The following CTNND2 variants were observed in gnomAD, a reference collection of about 807,000 sequenced individuals.
The protein encoded by CTNND2 is catenin delta-2.
Under a neutral mutation model 144.4 loss-of-function variants are expected in CTNND2, and 22 were observed. The observed-to-expected ratio is 0.15, with a 90% CI of 0.11 to 0.22. CTNND2 has a LOEUF of 0.22. CTNND2 is among the 10% of genes least tolerant of loss of function. The pLI is 1.00. For missense variants in CTNND2, 1,353 were observed against 1,618.8 expected (o/e 0.84, Z 2.82); for synonymous variants, 751 against 695.6 (o/e 1.08, Z -1.25).
chr5:11,629,612 T>C (rs751609696), intron 2 of CTNND2, among the ~76,000 whole-genome samples: 255 of 152,326 alleles, frequency 1.7e-3, no homozygotes, highest in Non-Finnish European at 3.2e-3. Flanking sequence ...GTTGTATACA[T>C]TTTATGTTTC....
chr5:11,133,250 A>G (rs1311743714), intron 12 of CTNND2, among the ~76,000 whole-genome samples: 1 of 152,214 alleles, frequency 6.6e-6, no homozygotes, highest in East Asian at 1.9e-4. Flanking sequence ...AAAGGGAAAT[A>G]TTAGCACAGT....
intron 3 of CTNND2, among the ~76,000 whole-genome samples, chr5:11,503,077 G>A (rs25937): frequency 0.24 from 36,972 of 152,102 alleles, 6,914 homozygotes; most frequent in African/African-American, 0.53. Flanking sequence ...CAACAGAAAT[G>A]AGGCTAAACA....
chr5:11,578,207 T>G (rs1385928481), intron 2 of CTNND2, among the ~76,000 whole-genome samples: 4 of 152,234 alleles, frequency 2.6e-5, no homozygotes. Context: ...ACCATAGGGC[T>G]GACATCAGGT....
At chr5:11,461,124 C>T (rs1244185266) in intron 3 of CTNND2, among the ~76,000 whole-genome samples, 4 of 151,922 alleles carry the variant, frequency 2.6e-5, no homozygotes, top group African/African-American at 4.8e-5. Flanking sequence ...TTTCTTTCTC[C>T]CCTCACTAGA....
At chr5:11,473,042 C>CCT (rs1457220168) in intron 3 of CTNND2, among the ~76,000 whole-genome samples, 1 of 152,064 alleles carries the variant, frequency 6.6e-6, no homozygotes, top group Non-Finnish European at 1.5e-5. Flanking sequence ...CACACTCCAG[C>CCT]CTGGGTGACA....
chr5:11,857,741 G>GA (rs1795318417), intron 1 of CTNND2, among the ~76,000 whole-genome samples: 1 of 152,108 alleles, frequency 6.6e-6, no homozygotes, highest in Admixed American at 6.5e-5. Context: ...TGCTATTAAC[G>GA]AAAAAATATC....
At chr5:10,989,692 G>T (rs867808945) in intron 19 of CTNND2, among the ~76,000 whole-genome samples, 3 of 152,142 alleles carry the variant, frequency 2.0e-5, no homozygotes, top group South Asian at 2.1e-4. Context: ...TATCTTCTAT[G>T]TACAAATTCC....
At chr5:11,821,837 T>A (rs1793328401) in intron 1 of CTNND2, among the ~76,000 whole-genome samples, 1 of 152,220 alleles carries the variant, frequency 6.6e-6, no homozygotes, top group South Asian at 2.1e-4. Flanking sequence ...CATTTACTAG[T>A]GTTATTATTT....
chr5:11,240,550 A>C (rs1169493883), intron 9 of CTNND2, among the ~76,000 whole-genome samples: 1 of 16,170 alleles, frequency 6.2e-5, no homozygotes, highest in African/African-American at 1.2e-3. Flanking sequence ...CACACACCCA[A>C]CACACACACT....
intron 2 of CTNND2, among the ~76,000 whole-genome samples, chr5:11,685,613 G>A (rs1157015557): frequency 3.3e-5 from 5 of 152,092 alleles, no homozygotes; most frequent in African/African-American, 9.7e-5. Flanking sequence ...TCTTAATATG[G>A]AAACTCTAAA....
At chr5:11,031,156 C>G (rs1743432267) in intron 16 of CTNND2, among the ~76,000 whole-genome samples, 1 of 152,122 alleles carries the variant, frequency 6.6e-6, no homozygotes, top group African/African-American at 2.4e-5. Flanking sequence ...GGTGTCAGCT[C>G]TTTAAATCCT....
At chr5:11,154,691 G>T (rs982717767) in intron 12 of CTNND2, among the ~76,000 whole-genome samples, 1 of 152,172 alleles carries the variant, frequency 6.6e-6, no homozygotes, top group African/African-American at 2.4e-5. Flanking sequence ...AAACTGGGTG[G>T]CTTAAAACAA....
intron 2 of CTNND2, among the ~76,000 whole-genome samples, chr5:11,606,391 TACAAAACTAACACAGCAGTGG>T (rs1780043995): frequency 6.6e-6 from 1 of 152,018 alleles, no homozygotes; most frequent in South Asian, 2.1e-4. Context: ...GCAGAAGCAA[TACAAAACTAACACAGCAGTGG>T]AAAGTATCAG....
chr5:11,670,812 G>C (rs868633677), intron 2 of CTNND2, among the ~76,000 whole-genome samples: 1 of 152,128 alleles, frequency 6.6e-6, no homozygotes, highest in Non-Finnish European at 1.5e-5. Flanking sequence ...ATTTGATCCT[G>C]TCATTATGAT....
At chr5:11,011,121 C>G (rs1741033437) in intron 18 of CTNND2, among the ~76,000 whole-genome samples, 1 of 152,254 alleles carries the variant, frequency 6.6e-6, no homozygotes, top group Non-Finnish European at 1.5e-5. Context: ...CATCTGGTTT[C>G]TAACCCCATT....
intron 2 of CTNND2, among the ~76,000 whole-genome samples, chr5:11,642,402 C>T (rs987247005): frequency 1.3e-5 from 2 of 152,232 alleles, no homozygotes; most frequent in East Asian, 3.9e-4. Flanking sequence ...TTTGAAGCAG[C>T]TGAGTCAAAG....
At chr5:11,543,187 T>C (rs1774912206) in intron 3 of CTNND2, among the ~76,000 whole-genome samples, 1 of 152,358 alleles carries the variant, frequency 6.6e-6, no homozygotes, top group South Asian at 2.1e-4. Flanking sequence ...CCTCTCATCA[T>C]GTTCTATGTA....
At chr5:11,030,036 GTT>G (rs56720379) in intron 16 of CTNND2, among the ~76,000 whole-genome samples, 3 of 150,318 alleles carry the variant, frequency 2.0e-5, no homozygotes, top group African/African-American at 7.3e-5. Flanking sequence ...TTGGCTGACA[GTT>G]TTTTTTTTCT....
At chr5:11,515,993 C>A (rs909848912) in intron 3 of CTNND2, among the ~76,000 whole-genome samples, 2 of 151,962 alleles carry the variant, frequency 1.3e-5, no homozygotes, top group Admixed American at 1.3e-4. Context: ...GTAGTCATAG[C>A]TACTGGGGAG....
Sources: gnomAD v4.1 joint callset for allele counts (sites outside exome capture counted in the v4.1 genomes callset) on GRCh38, gnomAD v4.1.1 for gene constraint, MANE v1.5 for transcripts, NCBI Gene and HGNC (gene_info 2026-07-23, HGNC 2026-07-21) for gene names.